KLHL29: variants seen among roughly 807,000 people sequenced by gnomAD.
KLHL29 encodes the protein kelch like family member 29.
KLHL29 carries 21 observed loss-of-function variants against 80.4 expected under a neutral mutation model. The ratio of observed to expected loss-of-function variants is 0.26; its 90% confidence interval spans 0.19 to 0.38. The LOEUF (loss-of-function observed/expected upper bound fraction) is 0.38. KLHL29 is among the 10% of genes least tolerant of loss of function. The probability of loss-of-function intolerance (pLI) is 1.00; values close to 1 mark genes in which losing one functional copy is unlikely to be tolerated. For synonymous variants in KLHL29, 511 were observed against 526.8 expected, an observed-to-expected ratio of 0.97 and a Z score of 0.41; for missense variants, 867 against 1,223.9, an observed-to-expected ratio of 0.71 and a Z score of 4.35.
chr2:23,530,968 T>C (rs375987368), intron 2 of KLHL29, among the ~76,000 whole-genome samples: 1 of 151,970 alleles, frequency 6.6e-6, no homozygotes, highest in East Asian at 1.9e-4. Flanking sequence ...CTCCCCAGAG[T>C]TGAAAAGTAG....
chr2:23,562,611 C>A lies in KLHL29; in HGVS notation c.285+130C>A. The A allele has an allele frequency of 1.1e-6, 1 of 877,766 alleles. No individual in the cohort carries two copies. The highest frequency in any genetic ancestry group is 1.7e-6 in the Non-Finnish European group (1 of 593,490). 54.4% of individuals were successfully genotyped at this position (877,766 alleles called of 1,614,324 possible). ...CGCCCCGAGTCCTCCAGAGTCTTGT[C>A]CTTCCAGGACCTGGGCCTGGAAACT... On this transcript the variant is annotated intron_variant, in intron 3 of 13. Transcript: ENST00000486442. The surrounding 1 kb of genome is among the most constrained non-coding windows in gnomAD (Gnocchi z 4.5).
rs58233449 is a variant in KLHL29, at chr2:23,581,828, C to CAAAA, written c.285+19362_285+19365dup. Among the ~76,000 whole-genome samples the CAAAA allele has an allele frequency of 3.6e-4, 30 of 82,902 alleles. 1 individual carries two copies. Among genetic ancestry groups the CAAAA allele is most frequent in the African/African-American group, 9.2e-4 (19 of 20,764 alleles). The allele number at this position is 82,902 out of a possible 152,430, so 54.4% of individuals were successfully genotyped here. On this transcript the variant is annotated intron_variant, in intron 3 of 13. Coordinates refer to ENST00000486442, the MANE Select transcript of KLHL29 (RefSeq NM_052920.2). ...GGGCAACAAGAATGAAACTCTGCCT[C>CAAAA]AAAAAAAAAAAAAAAAAACTTTTAT...
intron 3 of KLHL29, among the ~76,000 whole-genome samples, chr2:23,578,189 A>T (rs1667890728): frequency 6.6e-6 from 1 of 152,202 alleles, no homozygotes. Context: ...CATGCAGGTG[A>T]AACCGTCAGT....
intron 2 of KLHL29, among the ~76,000 whole-genome samples, chr2:23,496,765 A>G (rs1665278413): frequency 6.6e-6 from 1 of 152,212 alleles, no homozygotes; most frequent in Admixed American, 6.5e-5. Flanking sequence ...CTTGGGGGAA[A>G]GTTATTTACT....
intron 1 of KLHL29, among the ~76,000 whole-genome samples, chr2:23,400,384 C>T (rs1666571005): frequency 6.6e-6 from 1 of 152,204 alleles, no homozygotes; most frequent in African/African-American, 2.4e-5. Flanking sequence ...TGAAGCACCA[C>T]AGCTTTTCCA....
intron 5 of KLHL29, among the ~76,000 whole-genome samples, chr2:23,645,430 G>T (rs1383170112): frequency 6.6e-6 from 1 of 151,990 alleles, no homozygotes; most frequent in African/African-American, 2.4e-5. Context: ...CTGCGTGATG[G>T]CGTCAACACA....
intron 1 of KLHL29, among the ~76,000 whole-genome samples, chr2:23,440,092 T>G (rs1321444106): frequency 6.6e-6 from 1 of 152,088 alleles, no homozygotes; most frequent in African/African-American, 2.4e-5. Context: ...TTTTGATCTT[T>G]GTTGGTTTAA....
chr2:23,442,573 C>T (rs923613714), intron 1 of KLHL29, among the ~76,000 whole-genome samples: 13 of 152,314 alleles, frequency 8.5e-5, no homozygotes, highest in South Asian at 6.2e-4. Context: ...GGGCCTTCCC[C>T]GGAGCCTCCA....
chr2:23,642,964 C>T, intron 5 of KLHL29, 114 bp downstream of exon 5: 1 of 1,253,556 alleles, frequency 8.0e-7, no homozygotes, highest in Non-Finnish European at 1.1e-6. Flanking sequence ...CACTGGCCTC[C>T]CCAACCCAGA....
chr2:23,479,497 A>T (rs1483826116), intron 2 of KLHL29, among the ~76,000 whole-genome samples: 4 of 152,070 alleles, frequency 2.6e-5, no homozygotes, highest in African/African-American at 9.7e-5. Flanking sequence ...CCTGCCAGGA[A>T]GGGAAGCTGT....
rs1274224574 is a variant in KLHL29, at chr2:23,696,230, C to T, written c.1924+97C>T. On this transcript the variant is annotated intron_variant, in intron 10 of 13. Coordinates refer to ENST00000486442, the MANE Select transcript of KLHL29 (RefSeq NM_052920.2). This position sits in a 1 kb window ranked among gnomAD's most constrained non-coding sequence, Gnocchi z 5.5. ...GAGGAAGGCCATGGCCCAGAAGTGTCTACTTTGCAGGTGAAGCCTTCCTCT... is the reference window on the plus strand; with the variant it reads ...GAGGAAGGCCATGGCCCAGAAGTGTTTACTTTGCAGGTGAAGCCTTCCTCT... 6.7e-7 allele frequency: 1 copy of T among 1,489,744 alleles called. No homozygotes were observed. Among genetic ancestry groups the T allele is most frequent in the Non-Finnish European group, 9.1e-7 (1 of 1,100,604 alleles). The allele number at this position is 1,489,744 out of a possible 1,614,324, so 92.3% of individuals were successfully genotyped here.
chr2:23,599,336 C>A (rs1167986042), intron 3 of KLHL29, among the ~76,000 whole-genome samples: 1 of 151,954 alleles, frequency 6.6e-6, no homozygotes, highest in African/African-American at 2.4e-5. Flanking sequence ...TCAAGGAGCT[C>A]TCCAAATGAG....
In KLHL29 at chr2:23,430,684, C is replaced by T. The variant is rs528000086; in HGVS notation, c.-153-44876C>T. On this transcript the variant is annotated intron_variant, in intron 1 of 13. Transcript: ENST00000486442. ...TCCCCAGGAAACTCACCCTGCCTAC[C>T]TCAGCCCACAGGATCTCTTCCTTGC... is the stretch of plus-strand genomic sequence containing the variant. 1.2e-4 allele frequency among the ~76,000 whole-genome samples: 18 copies of T among 152,336 alleles called. No individual in the cohort carries two copies. In the South Asian group the frequency reaches 3.5e-3, roughly 30 times the overall value.
intron 3 of KLHL29, among the ~76,000 whole-genome samples, chr2:23,590,755 A>T (rs962609710): frequency 1.3e-5 from 2 of 152,174 alleles, no homozygotes; most frequent in African/African-American, 4.8e-5. Context: ...GGACCCAAGC[A>T]AGGCAGGGAG....
At chr2:23,531,673 G>C (rs1156249455) in intron 2 of KLHL29, among the ~76,000 whole-genome samples, 1 of 151,894 alleles carries the variant, frequency 6.6e-6, no homozygotes, top group East Asian at 1.9e-4. Context: ...GCAAGTCCTG[G>C]TACCCAAGAC....
intron 2 of KLHL29, among the ~76,000 whole-genome samples, chr2:23,559,078 T>C (rs1217093188): frequency 6.6e-6 from 1 of 152,104 alleles, no homozygotes; most frequent in Non-Finnish European, 1.5e-5. Context: ...TCTAGAAGAA[T>C]TGGTGCCTGA....
intron 1 of KLHL29, among the ~76,000 whole-genome samples, chr2:23,399,491 T>G (rs1236664006): frequency 1.3e-5 from 2 of 152,234 alleles, no homozygotes; most frequent in Admixed American, 1.3e-4. Context: ...GAAAAAAATG[T>G]GTTTTACAAT....
intron 1 of KLHL29, among the ~76,000 whole-genome samples, chr2:23,435,815 T>G (rs1466339341): frequency 1.3e-5 from 2 of 152,146 alleles, no homozygotes; most frequent in Non-Finnish European, 2.9e-5. Flanking sequence ...GGTGAGGTGT[T>G]TGGAACCCTT....
intron 1 of KLHL29, among the ~76,000 whole-genome samples, chr2:23,428,413 T>G (rs2103406663): frequency 6.6e-6 from 1 of 152,318 alleles, no homozygotes; most frequent in Admixed American, 6.5e-5. Flanking sequence ...CTATCCCTCC[T>G]TCCTGGCACT....
Sources: allele counts gnomAD v4.1 joint callset (sites outside exome capture counted in the v4.1 genomes callset), GRCh38; gene constraint gnomAD v4.1.1; non-coding constraint Gnocchi (gnomAD v3.1); transcripts MANE v1.5; gene names NCBI Gene and HGNC (gene_info 2026-07-23, HGNC 2026-07-21).